FAM53A: variants seen among roughly 807,000 people sequenced by gnomAD.
FAM53A encodes protein FAM53A.
In FAM53A, 28 loss-of-function variants were observed where a neutral mutation model predicts 26.6. That is an observed-to-expected ratio of 1.05 (90% confidence interval 0.78 to 1.45). FAM53A has a LOEUF of 1.45. Among genes scored for constraint, FAM53A ranks in the 40% most tolerant of loss-of-function variants. The pLI, the probability that FAM53A is intolerant of heterozygous loss-of-function variation, is 0.00. For synonymous variants in FAM53A, 290 were observed against 253.1 expected, an observed-to-expected ratio of 1.15 and a Z score of -1.38; for missense variants, 650 against 575.8, an observed-to-expected ratio of 1.13 and a Z score of -1.32.
the FAM53A span, among the ~76,000 whole-genome samples, chr4:1,578,469 T>C: frequency 1.3e-5 from 2 of 151,650 alleles, no homozygotes; most frequent in Admixed American, 6.6e-5. Context: ...TGAGAGCCGG[T>C]GTGGCCTGGA....
At chr4:1,576,499 GCA>G in the FAM53A span, among the ~76,000 whole-genome samples, 1 of 152,242 alleles carries the variant, frequency 6.6e-6, no homozygotes, top group African/African-American at 2.4e-5. Context: ...GCCTCCGCGC[GCA>G]CACTGTCTAA....
intron 2 of FAM53A, among the ~76,000 whole-genome samples, chr4:1,658,696 G>A (rs890376571): frequency 1.3e-5 from 2 of 152,370 alleles, no homozygotes; most frequent in Middle Eastern, 6.8e-3. Context: ...GAGCTGCTTG[G>A]CAGGTCACGG....
chr4:1,586,617 A>AT, the FAM53A span, among the ~76,000 whole-genome samples: 3,539 of 151,578 alleles, frequency 0.023, 120 homozygotes, highest in African/African-American at 0.081. Flanking sequence ...CTACTAAAAA[A>AT]ATATATATAT....
the FAM53A span, among the ~76,000 whole-genome samples, chr4:1,580,769 A>C: frequency 4.1e-4 from 5 of 12,252 alleles, no homozygotes; most frequent in Non-Finnish European, 4.5e-4. Context: ...CCCGCCTCCC[A>C]CTCAAGGCCC....
chr4:1,652,268 G>A (rs1485328103), intron 4 of FAM53A, among the ~76,000 whole-genome samples: 10 of 99,018 alleles, frequency 1.0e-4, no homozygotes, highest in African/African-American at 2.8e-4. Flanking sequence ...GCCAGACACC[G>A]CATACACCAG....
chr4:1,639,014 C>T (rs78421385), downstream of FAM53A, among the ~76,000 whole-genome samples: 1 of 152,184 alleles, frequency 6.6e-6, no homozygotes, highest in Admixed American at 6.5e-5. Flanking sequence ...TTGGTGGGGA[C>T]CTCGGGCCCC....
At chr4:1,644,261 G>T (rs1044107452) in intron 4 of FAM53A, 10 of 1,535,902 alleles carry the variant, frequency 6.5e-6, no homozygotes, top group Non-Finnish European at 8.7e-6. Context: ...CCTCTGGACT[G>T]ACTGCTCGGA....
At position 1,631,748 on chromosome 4, in the gene FAM53A, G is replaced by A. The variant is rs115444107; in HGVS notation, c.432-13637C>T. On this transcript the variant is annotated intron_variant, in intron 1 of 1. Transcript: ENST00000489029. ...CGTGGAATAAACACACAGAAAAGCC[G>A]CTCCCACAGGCAACCCACTGAAAAC... is the stretch of plus-strand genomic sequence containing the variant. Among the ~76,000 whole-genome samples the A allele has an allele frequency of 5.7e-3, 874 of 152,224 alleles. 4 individuals carry two copies. Among genetic ancestry groups the A allele is most frequent in the Non-Finnish European group, 8.6e-3 (587 of 68,002 alleles).
At chr4:1,580,316 C>G in the FAM53A span, 1 of 152,136 alleles carries the variant, frequency 6.6e-6, no homozygotes, top group South Asian at 2.1e-4. Flanking sequence ...CGCCCTACAC[C>G]GGCGGCCAGT....
At chr4:1,677,038 C>T (rs751518620) in intron 1 of FAM53A, among the ~76,000 whole-genome samples, 3 of 152,164 alleles carry the variant, frequency 2.0e-5, no homozygotes, top group South Asian at 2.1e-4. Context: ...TGGAGTCCCA[C>T]CTTGTGCTCA....
the FAM53A span, among the ~76,000 whole-genome samples, chr4:1,599,485 C>G: frequency 6.6e-6 from 1 of 152,182 alleles, no homozygotes; most frequent in African/African-American, 2.4e-5. This position sits in a 1 kb window ranked among gnomAD's most constrained non-coding sequence, Gnocchi z 6.1. Flanking sequence ...GCCACGGGAG[C>G]AGCACTGGAC....
downstream of FAM53A, among the ~76,000 whole-genome samples, chr4:1,635,085 T>G (rs578072828): frequency 5.3e-5 from 8 of 152,272 alleles, no homozygotes; most frequent in South Asian, 1.5e-3. Flanking sequence ...ATTCATAATA[T>G]CCTCTATCTT....
intron 3 of FAM53A, among the ~76,000 whole-genome samples, chr4:1,656,870 C>G (rs1447053300): frequency 6.6e-6 from 1 of 152,130 alleles, no homozygotes; most frequent in Non-Finnish European, 1.5e-5. Context: ...GCCCCTGGGA[C>G]CTTCGCTGGG....
chr4:1,582,716 G>A, the FAM53A span, among the ~76,000 whole-genome samples: 4 of 152,298 alleles, frequency 2.6e-5, no homozygotes, highest in East Asian at 7.7e-4. Context: ...AGCCAGGTGT[G>A]TGGTGGCGCA....
At chr4:1,662,288 G>C (rs189482580) in intron 2 of FAM53A, among the ~76,000 whole-genome samples, 10 of 152,054 alleles carry the variant, frequency 6.6e-5, no homozygotes, top group Admixed American at 6.6e-4. Context: ...AGACCAGCCT[G>C]GCCAACATGG....
intron 4 of FAM53A, chr4:1,644,297 C>T (rs1170422579): frequency 5.9e-6 from 9 of 1,535,982 alleles, no homozygotes; most frequent in Admixed American, 2.0e-5. Context: ...AAGCTCACGC[C>T]GAGGCCTCGG....
At chr4:1,604,316 C>T in the FAM53A span, among the ~76,000 whole-genome samples, 3 of 152,270 alleles carry the variant, frequency 2.0e-5, no homozygotes, top group East Asian at 5.8e-4. Flanking sequence ...ATGGGGAGGG[C>T]TCAGGCGGGG....
chr4:1,653,042 A>G (rs995593359), intron 4 of FAM53A, among the ~76,000 whole-genome samples: 4 of 149,038 alleles, frequency 2.7e-5, no homozygotes, highest in African/African-American at 1.0e-4. Context: ...CACACAACAC[A>G]TAGACCACAC....
At chr4:1,669,738 G>C (rs1372511854) in intron 1 of FAM53A, among the ~76,000 whole-genome samples, 1 of 152,352 alleles carries the variant, frequency 6.6e-6, no homozygotes, top group African/African-American at 2.4e-5. Context: ...CTAGGTGAGA[G>C]GGCAAGGCCT....
Sources: gnomAD v4.1 joint callset for allele counts (sites outside exome capture counted in the v4.1 genomes callset) on GRCh38, gnomAD v4.1.1 for gene constraint, Gnocchi (gnomAD v3.1) non-coding constraint, MANE v1.5 for transcripts, NCBI Gene and HGNC (gene_info 2026-07-23, HGNC 2026-07-21) for gene names.